PTPN20: variants seen among roughly 807,000 people sequenced by gnomAD.
The protein encoded by PTPN20 is protein tyrosine phosphatase non-receptor type 20.
Under a neutral mutation model 35.0 loss-of-function variants are expected in PTPN20, and 9 were observed. That is an observed-to-expected ratio of 0.26 (90% CI 0.15 to 0.45). PTPN20 has a LOEUF of 0.45. Ranked by LOEUF, PTPN20 falls within the 20% of genes least tolerant of loss-of-function variation. The pLI is 1.00. For missense variants in PTPN20, 111 were observed against 312.5 expected, an observed-to-expected ratio of 0.36 and a Z score of 4.86; for synonymous variants, 32 against 100.2, an observed-to-expected ratio of 0.32 and a Z score of 4.06.
chr10:46,976,130 TA>T (rs1244933471), intron 7 of PTPN20, among the ~76,000 whole-genome samples: 1 of 132,776 alleles, frequency 7.5e-6, no homozygotes, highest in Non-Finnish European at 1.6e-5. Context: ...TTTATTCATT[TA>T]TTTTTTTTTT....
Position 46,976,607 on chromosome 10 carries a change from A to G in PTPN20, c.584-7623A>G, listed in dbSNP as rs1274735301. Among the ~76,000 whole-genome samples the G allele has an allele frequency of 3.2e-5, 4 of 126,352 alleles. No homozygotes were observed. The East Asian group carries it at 6.6e-4, about 21-fold the overall frequency. 82.9% of individuals were successfully genotyped at this position (126,352 alleles called of 152,430 possible). ...CTCTTTTATTTCAAAATCTTTAACT[A>G]TTTTCCTGGAATTAAATAATGTTAC... is the stretch of plus-strand genomic sequence containing the variant. On this transcript the variant is annotated intron_variant, in intron 7 of 10. Transcript: ENST00000374339.
At chr10:46,951,575 C>T (rs1315394718) in intron 5 of PTPN20, among the ~76,000 whole-genome samples, 7 of 152,214 alleles carry the variant, frequency 4.6e-5, no homozygotes, top group Admixed American at 1.3e-4. Flanking sequence ...AATTTTTATT[C>T]ACTTATTTTG....
At chr10:46,977,170 A>G (rs1226990668) in intron 7 of PTPN20, among the ~76,000 whole-genome samples, 4 of 152,390 alleles carry the variant, frequency 2.6e-5, no homozygotes, top group African/African-American at 9.6e-5. Flanking sequence ...AAAACGCTAA[A>G]ATTTCCAGAG....
chr10:46,982,834 T>G (rs1565593601), intron 7 of PTPN20, among the ~76,000 whole-genome samples: 1 of 152,134 alleles, frequency 6.6e-6, no homozygotes, highest in African/African-American at 2.4e-5. Flanking sequence ...TGATGAAAGA[T>G]CTCCCTACAA....
intron 9 of PTPN20, among the ~76,000 whole-genome samples, chr10:46,988,527 T>C (rs1287844050): frequency 1.3e-5 from 2 of 150,466 alleles, no homozygotes; most frequent in Admixed American, 6.6e-5. Flanking sequence ...CAACCTTTCC[T>C]TATCATCTTT....
intron 7 of PTPN20, among the ~76,000 whole-genome samples, chr10:46,983,341 G>T (rs2056117234): frequency 6.6e-6 from 1 of 150,698 alleles, no homozygotes; most frequent in Non-Finnish European, 1.5e-5. Flanking sequence ...GCCTGTTCAG[G>T]TCTTGTCAGC....
intron 9 of PTPN20, among the ~76,000 whole-genome samples, chr10:46,992,630 T>C (rs1441717008): frequency 1.3e-5 from 2 of 152,228 alleles, no homozygotes; most frequent in Non-Finnish European, 2.9e-5. Context: ...TCTTGGATCA[T>C]TTTACCAAAT....
intron 9 of PTPN20, among the ~76,000 whole-genome samples, chr10:46,995,555 T>A (rs1331776190): frequency 2.0e-5 from 3 of 152,160 alleles, no homozygotes; most frequent in African/African-American, 7.2e-5. Context: ...AATGTGGTGC[T>A]ACTAAACAAC....
intron 2 of PTPN20, among the ~76,000 whole-genome samples, chr10:46,937,783 G>C (rs1271125377): frequency 1.3e-5 from 2 of 151,814 alleles, no homozygotes; most frequent in Non-Finnish European, 2.9e-5. Flanking sequence ...TTTATCATCT[G>C]TCATTTCTAA....
chr10:46,941,702 CT>C (rs1406226168), intron 3 of PTPN20, among the ~76,000 whole-genome samples: 1 of 150,176 alleles, frequency 6.7e-6, no homozygotes, highest in East Asian at 2.0e-4. Context: ...TTTTTTTTTG[CT>C]TGTTTGTTTG....
At chr10:46,953,679 T>A (rs1427120536) in intron 5 of PTPN20, among the ~76,000 whole-genome samples, 1 of 140,352 alleles carries the variant, frequency 7.1e-6, no homozygotes, top group African/African-American at 3.0e-5. Context: ...TAGTTTTTCT[T>A]TTTTTTGCCT....
chr10:46,996,890 C>T (rs1333215293), intron 9 of PTPN20, among the ~76,000 whole-genome samples: 1 of 152,126 alleles, frequency 6.6e-6, no homozygotes, highest in African/African-American at 2.4e-5. Context: ...ATATAGTAAG[C>T]TTTAACATCA....
intron 6 of PTPN20, among the ~76,000 whole-genome samples, chr10:46,966,585 ACT>A (rs1157218334): frequency 3.3e-5 from 4 of 122,366 alleles, no homozygotes; most frequent in African/African-American, 1.3e-4. Context: ...TTGTCCCAAG[ACT>A]CTCCTGGAAT....
downstream of PTPN20, among the ~76,000 whole-genome samples, chr10:47,002,653 G>A (rs2060123859): frequency 6.6e-6 from 1 of 151,678 alleles, no homozygotes; most frequent in Non-Finnish European, 1.5e-5. Context: ...TAATTTAAAG[G>A]AAGTTTTAAA....
intron 7 of PTPN20, among the ~76,000 whole-genome samples, chr10:46,982,979 T>C (rs1341134959): frequency 5.9e-5 from 9 of 151,960 alleles, no homozygotes; most frequent in African/African-American, 2.2e-4. Context: ...TAAGGTGTTA[T>C]CATCTTTTAT....
In PTPN20 at chr10:47,001,718, A is replaced by C. The variant is rs1555185913; in HGVS notation, c.*977A>C. 6.6e-6 allele frequency: 1 copy of C among 152,060 alleles called. No individual in the cohort carries two copies. The highest frequency in any genetic ancestry group is 6.6e-5 in the Admixed American group (1 of 15,252). The allele number at this position is 152,060 out of a possible 1,614,324, so 9.4% of individuals were successfully genotyped here. ...CCTTTACTTTCTCACCTCTGTTGAA[A>C]CATTTAGAAACTGGATTTGGGAACC... On this transcript the variant is annotated 3_prime_UTR_variant, in exon 11 of 11. Transcript: ENST00000374339.
intron 2 of PTPN20, among the ~76,000 whole-genome samples, chr10:46,937,972 C>T (rs1273887989): frequency 7.2e-6 from 1 of 138,416 alleles, no homozygotes; most frequent in Admixed American, 7.8e-5. Context: ...TTTTCTTAGA[C>T]AGAGTCTCAC....
chr10:46,933,479 A>C (rs1429679923), intron 2 of PTPN20, among the ~76,000 whole-genome samples: 1,903 of 142,526 alleles, frequency 0.013, 42 homozygotes, highest in African/African-American at 0.054. Context: ...CTTCCTCTAT[A>C]CCCTGGAAAC....
intron 5 of PTPN20, among the ~76,000 whole-genome samples, chr10:46,954,780 G>A (rs1336361449): frequency 6.6e-6 from 1 of 150,696 alleles, no homozygotes; most frequent in Non-Finnish European, 1.5e-5. Context: ...TCTTGCTTTG[G>A]ATTTTATTTT....
Sources: allele counts gnomAD v4.1 joint callset (sites outside exome capture counted in the v4.1 genomes callset), GRCh38; gene constraint gnomAD v4.1.1; transcripts MANE v1.5; gene names NCBI Gene and HGNC (gene_info 2026-07-23, HGNC 2026-07-21).